MGAT4A: variants seen among roughly 807,000 people sequenced by gnomAD.
MGAT4A encodes alpha-1,3-mannosyl-glycoprotein 4-beta-N-acetylglucosaminyltransferase A.
A neutral mutation model predicts 74.1 loss-of-function variants in MGAT4A; 33 were observed. That is an observed-to-expected ratio of 0.45 (90% CI 0.34 to 0.60). MGAT4A has a LOEUF of 0.60. MGAT4A is among the 20% of genes least tolerant of loss of function. The pLI is 0.02. For missense variants in MGAT4A, 479 were observed against 628.3 expected (o/e 0.76, Z 2.54); for synonymous variants, 198 against 210.4 (o/e 0.94, Z 0.51).
At chr2:98,655,594 T>C (rs3754870) in intron 7 of MGAT4A, 74 bp from the exon 8 acceptor site, 454,398 of 954,266 alleles carry the variant, frequency 0.48, 115,999 homozygotes, top group African/African-American at 0.86. Flanking sequence ...AATGTATAAA[T>C]GTCAAATGTC....
intron 2 of MGAT4A, among the ~76,000 whole-genome samples, chr2:98,682,802 G>A (rs1407143698): frequency 2.0e-5 from 3 of 151,924 alleles, no homozygotes; most frequent in Non-Finnish European, 4.4e-5. Context: ...TAAAACAAAT[G>A]GCGGCCGGGC....
chr2:98,682,251 C>T (rs1379720367), intron 2 of MGAT4A, among the ~76,000 whole-genome samples: 4 of 151,874 alleles, frequency 2.6e-5, no homozygotes, highest in African/African-American at 7.3e-5. Context: ...GGAGAAATCC[C>T]GTCTCTACTA....
rs578069768 is a variant in MGAT4A, at chr2:98,671,580, C to T, written c.403+3455G>A. On this transcript the variant is annotated intron_variant, in intron 4 of 15. Transcript: ENST00000393487. ...TTCTAGAACATTCCACACTCCCTTCCACCACAGGACTTTTGTGGTGCTCTT... is the reference window on the plus strand; with the variant it reads ...TTCTAGAACATTCCACACTCCCTTCTACCACAGGACTTTTGTGGTGCTCTT... Among the ~76,000 whole-genome samples the T allele has an allele frequency of 7.2e-5, 11 of 152,260 alleles. 1 individual carries two copies. The East Asian group carries it at 2.1e-3, about 29-fold the overall frequency.
chr2:98,655,015 AT>A, intron 8 of MGAT4A, among the ~76,000 whole-genome samples: 1 of 152,304 alleles, frequency 6.6e-6, no homozygotes, highest in Non-Finnish European at 1.5e-5. Context: ...TTAAATGTCA[AT>A]TTTATTATCT....
chr2:98,646,450 T>A (rs927519139), intron 8 of MGAT4A, among the ~76,000 whole-genome samples: 1 of 151,982 alleles, frequency 6.6e-6, no homozygotes, highest in Non-Finnish European at 1.5e-5. Context: ...ACGCCTGTAA[T>A]CCCAGCACTT....
At chr2:98,686,177 T>C (rs1702127778) in intron 2 of MGAT4A, among the ~76,000 whole-genome samples, 2 of 152,168 alleles carry the variant, frequency 1.3e-5, no homozygotes, top group East Asian at 1.9e-4. Context: ...CACATACGCA[T>C]GGATTCTGAA....
intron 14 of MGAT4A, among the ~76,000 whole-genome samples, chr2:98,634,931 A>G (rs1701295876): frequency 6.6e-6 from 1 of 151,924 alleles, no homozygotes; most frequent in African/African-American, 2.4e-5. Context: ...CTGAGGCTGG[A>G]GAGGAGCTAA....
At chr2:98,726,131 G>A (rs1702759942) in intron 2 of MGAT4A, 108 bp downstream of exon 2, 1 of 660,994 alleles carries the variant, frequency 1.5e-6, no homozygotes, top group African/African-American at 1.8e-5. Flanking sequence ...CCAGCAGATA[G>A]CATGTAACAT....
At chr2:98,628,343 C>T (rs1246833247) in intron 14 of MGAT4A, among the ~76,000 whole-genome samples, 2 of 152,200 alleles carry the variant, frequency 1.3e-5, no homozygotes, top group Non-Finnish European at 2.9e-5. Context: ...GTCCTTAAGT[C>T]TTCAAACAAT....
intron 5 of MGAT4A, among the ~76,000 whole-genome samples, chr2:98,661,515 GA>G (rs957548982): frequency 6.6e-6 from 1 of 152,092 alleles, no homozygotes; most frequent in African/African-American, 2.4e-5. Context: ...AATAATAGAG[GA>G]AAAACAGAGA....
intron 2 of MGAT4A, among the ~76,000 whole-genome samples, chr2:98,711,504 A>G (rs930216384): frequency 2.6e-5 from 4 of 152,168 alleles, no homozygotes; most frequent in African/African-American, 7.2e-5. Flanking sequence ...AGATGAAGAA[A>G]TTAATGAAAA....
At chr2:98,644,715 C>T (rs970376865) in intron 9 of MGAT4A, among the ~76,000 whole-genome samples, 23 of 152,132 alleles carry the variant, frequency 1.5e-4, no homozygotes, top group African/African-American at 5.5e-4. Context: ...CTCACTACAA[C>T]CTCCACCTCC....
chr2:98,632,386 T>C (rs1328887481), intron 14 of MGAT4A, among the ~76,000 whole-genome samples: 5 of 152,154 alleles, frequency 3.3e-5, no homozygotes, highest in African/African-American at 1.2e-4. Flanking sequence ...TAAGGGAACT[T>C]TTCCCGTCTC....
rs1215719687 is a variant in MGAT4A at position 98,731,090 on chromosome 2, T to TGCTGTAGCCGCC, written c.-290_-279dup. ...GTGCTCCCGCGGCTGCCGGCGGAGC[T>TGCTGTAGCCGCC]GCTGTAGCCGCCGCCGCCGCTGCCG... On this transcript the variant is annotated 5_prime_UTR_variant, in exon 1 of 16. Transcript: ENST00000393487. The surrounding 1 kb of genome is among the most constrained non-coding windows in gnomAD (Gnocchi z 4.8). 1 of 124,936 alleles carries TGCTGTAGCCGCC rather than the reference T, an allele frequency of 8.0e-6. No individual in the cohort carries two copies. Among genetic ancestry groups the TGCTGTAGCCGCC allele is most frequent in the Non-Finnish European group, 1.7e-5 (1 of 59,758 alleles). The allele number at this position is 124,936 out of a possible 1,614,324, so 7.7% of individuals were successfully genotyped here.
At chr2:98,721,005 A>G (rs1702661594) in intron 2 of MGAT4A, among the ~76,000 whole-genome samples, 1 of 152,222 alleles carries the variant, frequency 6.6e-6, no homozygotes, top group African/African-American at 2.4e-5. Context: ...GGTGGAAATG[A>G]AAAAAGTCAA....
intron 3 of MGAT4A, 35 bp downstream of exon 3, chr2:98,678,269 A>ATATAT: frequency 1.6e-6 from 1 of 640,028 alleles, no homozygotes. Context: ...TATATATATA[A>ATATAT]AATCTTTTTA....
intron 14 of MGAT4A, among the ~76,000 whole-genome samples, chr2:98,626,902 A>G (rs986320201): frequency 2.0e-5 from 3 of 152,194 alleles, no homozygotes; most frequent in East Asian, 1.9e-4. Context: ...CCTAATACTG[A>G]TATCAATCCA....
intron 2 of MGAT4A, among the ~76,000 whole-genome samples, chr2:98,702,964 G>A (rs996917292): frequency 7.9e-5 from 12 of 152,138 alleles, no homozygotes; most frequent in East Asian, 1.9e-4. Flanking sequence ...AATATATGGT[G>A]GTCAACAAAA....
At chr2:98,694,932 C>G (rs935440750) in intron 2 of MGAT4A, 14 of 153,950 alleles carry the variant, frequency 9.1e-5, no homozygotes, top group Middle Eastern at 1.3e-3. Context: ...GAGATGCAAC[C>G]CCCCCCTTCC....
Sources: gnomAD v4.1 joint callset for allele counts (sites outside exome capture counted in the v4.1 genomes callset) on GRCh38, gnomAD v4.1.1 for gene constraint, Gnocchi (gnomAD v3.1) non-coding constraint, MANE v1.5 for transcripts, NCBI Gene and HGNC (gene_info 2026-07-23, HGNC 2026-07-21) for gene names.